The following DLG2 variants were observed in gnomAD, a reference collection of about 807,000 sequenced individuals.
DLG2 encodes the protein disks large homolog 2.
In DLG2, 45 loss-of-function variants were observed where a neutral mutation model predicts 132.5. That is an observed-to-expected ratio of 0.34 (90% CI 0.27 to 0.44). The LOEUF is 0.44. Among genes scored for constraint, DLG2 ranks in the 20% least tolerant of loss-of-function variants. The pLI is 1.00. For missense variants in DLG2, 1,045 were observed against 1,196.9 expected (o/e 0.87, Z 1.87); for synonymous variants, 424 against 419.6 (o/e 1.01, Z -0.13).
intron 16 of DLG2, among the ~76,000 whole-genome samples, chr11:83,837,707 C>T (rs1394436155): frequency 2.5e-5 from 1 of 40,350 alleles, no homozygotes. Context: ...AGTGCTCTGT[C>T]CAAATACATA....
chr11:83,501,152 T>C (rs1390483847), intron 21 of DLG2, among the ~76,000 whole-genome samples: 1 of 152,066 alleles, frequency 6.6e-6, no homozygotes, highest in African/African-American at 2.4e-5. Context: ...ACATACGTTG[T>C]TGGTCACATT....
intron 6 of DLG2, among the ~76,000 whole-genome samples, chr11:84,719,344 T>C (rs2061547644): frequency 6.6e-6 from 1 of 152,060 alleles, no homozygotes; most frequent in Non-Finnish European, 1.5e-5. Flanking sequence ...TGAAGAAAGC[T>C]CTCTCTCTTT....
chr11:84,558,570 C>T (rs1177305781), intron 6 of DLG2, among the ~76,000 whole-genome samples: 1 of 152,158 alleles, frequency 6.6e-6, no homozygotes, highest in Non-Finnish European at 1.5e-5. Context: ...ACTCCTAATC[C>T]TGCCATCCAA....
intron 6 of DLG2, among the ~76,000 whole-genome samples, chr11:84,614,478 G>T (rs1272967089): frequency 1.3e-5 from 2 of 152,170 alleles, no homozygotes; most frequent in Non-Finnish European, 2.9e-5. Flanking sequence ...AAATATTATA[G>T]TGTCTGAATT....
intron 18 of DLG2, among the ~76,000 whole-genome samples, chr11:83,691,525 G>A (rs11233720): frequency 0.34 from 51,967 of 151,978 alleles, 10,620 homozygotes; most frequent in African/African-American, 0.58. Flanking sequence ...TGAAAAGGAC[G>A]TGTGATGGAA....
intron 6 of DLG2, among the ~76,000 whole-genome samples, chr11:84,779,039 T>C (rs905731826): frequency 4.6e-5 from 7 of 152,202 alleles, no homozygotes; most frequent in Non-Finnish European, 2.9e-5. Context: ...GCCTGCACTG[T>C]CGGCTTCCCT....
chr11:84,794,976 G>A (rs927598109), intron 6 of DLG2, among the ~76,000 whole-genome samples: 3 of 152,174 alleles, frequency 2.0e-5, no homozygotes, highest in Non-Finnish European at 4.4e-5. Context: ...TAAGCTCCTG[G>A]GCAGAAAGGA....
intron 4 of DLG2, among the ~76,000 whole-genome samples, chr11:85,166,756 T>C (rs1354737726): frequency 2.0e-5 from 3 of 152,204 alleles, no homozygotes; most frequent in South Asian, 2.1e-4. Context: ...ACATCCTTCA[T>C]AGTACTTTAA....
At chr11:84,384,720 T>C (rs554485231) in intron 7 of DLG2, among the ~76,000 whole-genome samples, 1 of 152,094 alleles carries the variant, frequency 6.6e-6, no homozygotes, top group Non-Finnish European at 1.5e-5. Flanking sequence ...CCCTACATAT[T>C]CCTTTAAATA....
At chr11:84,357,467 A>C (rs2098622854) in intron 7 of DLG2, among the ~76,000 whole-genome samples, 1 of 152,004 alleles carries the variant, frequency 6.6e-6, no homozygotes, top group Non-Finnish European at 1.5e-5. Flanking sequence ...TCTCCTTCAT[A>C]GAACCTATCA....
chr11:84,907,487 C>T (rs1435854434), intron 6 of DLG2, among the ~76,000 whole-genome samples: 1 of 152,122 alleles, frequency 6.6e-6, no homozygotes, highest in Non-Finnish European at 1.5e-5. Flanking sequence ...GTGCCTGATG[C>T]TAAGCCCGCA....
chr11:85,181,175 C>T (rs1383437947), intron 4 of DLG2, among the ~76,000 whole-genome samples: 1 of 151,426 alleles, frequency 6.6e-6, no homozygotes, highest in Non-Finnish European at 1.5e-5. Flanking sequence ...CTTCCTGTTG[C>T]TTGAATATCT....
intron 3 of DLG2, among the ~76,000 whole-genome samples, chr11:85,479,311 C>T (rs1031139009): frequency 1.7e-4 from 26 of 152,200 alleles, no homozygotes; most frequent in Non-Finnish European, 8.8e-5. Context: ...TAGAAGACAG[C>T]TGTCTTTTCC....
chr11:85,513,361 T>C lies in DLG2; in HGVS notation c.40+85296A>G, dbSNP rs572255871. Among the ~76,000 whole-genome samples, 3 of 151,984 alleles carry C rather than the reference T, an allele frequency of 2.0e-5. No homozygotes were observed. In the South Asian group the frequency reaches 6.2e-4, roughly 32 times the overall value. The stretch of plus-strand genomic sequence containing the variant: ...CTAAAGAAATTTTAAAAATTAAAAA[T>C]AGAGTTTTTAATATGAACCAAAAGA... On this transcript the variant is annotated intron_variant, in intron 3 of 27. Transcript: ENST00000376104.
intron 6 of DLG2, chr11:84,720,906 A>G (rs1329066210): frequency 1.4e-5 from 2 of 147,146 alleles, no homozygotes; most frequent in East Asian, 4.2e-4. Context: ...GCTTGCTGCA[A>G]TCCAGAGTCA....
At chr11:85,306,472 C>A (rs980901806) in intron 3 of DLG2, among the ~76,000 whole-genome samples, 1 of 152,194 alleles carries the variant, frequency 6.6e-6, no homozygotes, top group East Asian at 1.9e-4. Context: ...TTAACTACAA[C>A]CTGTCCAGAT....
intron 8 of DLG2, among the ~76,000 whole-genome samples, chr11:84,175,218 C>A (rs915627042): frequency 6.6e-5 from 10 of 152,092 alleles, no homozygotes; most frequent in Non-Finnish European, 1.5e-5. Context: ...ACCTCTCTTA[C>A]TATACTTGTG....
chr11:85,126,566 A>C (rs1289452728), intron 5 of DLG2, among the ~76,000 whole-genome samples: 1 of 152,088 alleles, frequency 6.6e-6, no homozygotes, highest in Non-Finnish European at 1.5e-5. Context: ...TTTCCCTACT[A>C]TTAGCTGTAT....
chr11:83,675,829 A>C (rs751776418), intron 18 of DLG2, among the ~76,000 whole-genome samples: 1 of 152,080 alleles, frequency 6.6e-6, no homozygotes, highest in Non-Finnish European at 1.5e-5. Flanking sequence ...CTCTACCTCA[A>C]ATCCTTTCCT....
Sources: gnomAD v4.1 joint callset for allele counts (sites outside exome capture counted in the v4.1 genomes callset) on GRCh38, gnomAD v4.1.1 for gene constraint, MANE v1.5 for transcripts, NCBI Gene and HGNC (gene_info 2026-07-23, HGNC 2026-07-21) for gene names.